Variants in CTNND2 observed in about 807,000 individuals in gnomAD.
The protein encoded by CTNND2 is catenin delta 2.
Under a neutral mutation model 144.4 loss-of-function variants are expected in CTNND2, and 22 were observed. The observed-to-expected ratio is 0.15, with a 90% CI of 0.11 to 0.22. The LOEUF (loss-of-function observed/expected upper bound fraction) is 0.22, where lower values mean the gene tolerates loss of function less well. Ranked by LOEUF, CTNND2 falls within the 10% of genes least tolerant of loss-of-function variation. The pLI, the probability that CTNND2 is intolerant of heterozygous loss-of-function variation, is 1.00. For missense variants in CTNND2, 1,353 were observed against 1,618.8 expected, an observed-to-expected ratio of 0.84 and a Z score of 2.82; for synonymous variants, 751 against 695.6, an observed-to-expected ratio of 1.08 and a Z score of -1.25.
intron 6 of CTNND2, among the ~76,000 whole-genome samples, chr5:11,393,621 A>G (rs1759820729): frequency 1.3e-5 from 2 of 152,118 alleles, no homozygotes. Flanking sequence ...CCCACCCACA[A>G]ACCAGCACAG....
intron 9 of CTNND2, among the ~76,000 whole-genome samples, chr5:11,323,325 C>T (rs1752231363): frequency 6.6e-6 from 1 of 151,576 alleles, no homozygotes; most frequent in South Asian, 2.1e-4. Context: ...GCTGAGAATA[C>T]AGGCATGAAA....
At chr5:11,099,197 G>A (rs1238666300) in intron 14 of CTNND2, among the ~76,000 whole-genome samples, 1 of 152,172 alleles carries the variant, frequency 6.6e-6, no homozygotes, top group African/African-American at 2.4e-5. Context: ...CATTATTAAT[G>A]TGATAAACTC....
intron 1 of CTNND2, among the ~76,000 whole-genome samples, chr5:11,771,793 C>G (rs937010569): frequency 6.6e-6 from 1 of 152,134 alleles, no homozygotes; most frequent in Non-Finnish European, 1.5e-5. Flanking sequence ...AGAATGGAAA[C>G]CTTTGCTTGC....
chr5:11,398,364 A>C (rs184096257), intron 5 of CTNND2, among the ~76,000 whole-genome samples: 8 of 152,310 alleles, frequency 5.3e-5, no homozygotes, highest in African/African-American at 1.9e-4. Context: ...ATCACCTTTC[A>C]TAAAAATAAT....
At chr5:11,761,217 G>T (rs1212010724) in intron 1 of CTNND2, among the ~76,000 whole-genome samples, 1 of 152,126 alleles carries the variant, frequency 6.6e-6, no homozygotes, top group Non-Finnish European at 1.5e-5. Context: ...CCAATTTCAT[G>T]AAACTGTAAT....
intron 9 of CTNND2, among the ~76,000 whole-genome samples, chr5:11,342,973 ATCT>A (rs1429068506): frequency 6.6e-6 from 1 of 152,254 alleles, no homozygotes; most frequent in Admixed American, 6.5e-5. Context: ...TACAAATAAA[ATCT>A]TCTTAGCAAA....
chr5:11,222,023 A>G (rs75718518), intron 10 of CTNND2, among the ~76,000 whole-genome samples: 1 of 152,242 alleles, frequency 6.6e-6, no homozygotes, highest in Non-Finnish European at 1.5e-5. Context: ...AAATGCATCA[A>G]AACGGCAAAG....
intron 15 of CTNND2, among the ~76,000 whole-genome samples, chr5:11,093,703 TA>T (rs1751022057): frequency 6.6e-6 from 1 of 152,180 alleles, no homozygotes. Flanking sequence ...TTAAGAACAC[TA>T]AAGAAATACC....
At chr5:11,132,454 C>T (rs1477391823) in intron 12 of CTNND2, among the ~76,000 whole-genome samples, 2 of 152,126 alleles carry the variant, frequency 1.3e-5, no homozygotes, top group African/African-American at 2.4e-5. Flanking sequence ...GAAATCAATG[C>T]CCTTATAAAA....
intron 3 of CTNND2, among the ~76,000 whole-genome samples, chr5:11,450,486 G>A (rs751131060): frequency 2.4e-4 from 36 of 152,310 alleles, no homozygotes; most frequent in Non-Finnish European, 3.7e-4. Context: ...GGGAAGTGAG[G>A]CCAGCAGATC....
At chr5:11,431,206 C>T (rs1273820406) in intron 3 of CTNND2, among the ~76,000 whole-genome samples, 7 of 152,100 alleles carry the variant, frequency 4.6e-5, no homozygotes, top group East Asian at 3.9e-4. Flanking sequence ...TGGTATTCTA[C>T]GACTTAAGGT....
At chr5:11,450,293 T>C (rs1260075564) in intron 3 of CTNND2, among the ~76,000 whole-genome samples, 1 of 152,226 alleles carries the variant, frequency 6.6e-6, no homozygotes, top group Non-Finnish European at 1.5e-5. Flanking sequence ...AAGCTGTTAT[T>C]CCATATGTCA....
intron 8 of CTNND2, among the ~76,000 whole-genome samples, chr5:11,362,811 G>A (rs571778487): frequency 3.0e-4 from 46 of 152,278 alleles, no homozygotes; most frequent in Non-Finnish European, 5.6e-4. Context: ...TCCATTGACC[G>A]CTTGGAGCAG....
intron 1 of CTNND2, among the ~76,000 whole-genome samples, chr5:11,863,011 G>T (rs1389596831): frequency 1.3e-5 from 2 of 152,136 alleles, no homozygotes; most frequent in Non-Finnish European, 2.9e-5. Flanking sequence ...GTTAGATTTG[G>T]AGTCTCTGTA....
intron 10 of CTNND2, among the ~76,000 whole-genome samples, chr5:11,203,363 A>G (rs1030808828): frequency 6.6e-6 from 1 of 152,182 alleles, no homozygotes; most frequent in Non-Finnish European, 1.5e-5. Context: ...TTTTGTTAAC[A>G]TATGATCATT....
chr5:11,635,574 A>C (rs1781642114), intron 2 of CTNND2, among the ~76,000 whole-genome samples: 1 of 152,190 alleles, frequency 6.6e-6, no homozygotes, highest in African/African-American at 2.4e-5. Flanking sequence ...TCTTTTTCAG[A>C]ATTGCCACAA....
At chr5:11,708,452 G>A (rs190918574) in intron 2 of CTNND2, among the ~76,000 whole-genome samples, 1 of 152,244 alleles carries the variant, frequency 6.6e-6, no homozygotes, top group South Asian at 2.1e-4. Flanking sequence ...TCTAGATATT[G>A]GAGAGATCTG....
At chr5:11,117,674 C>CT in intron 12 of CTNND2, 107 bp from the exon 13 acceptor site, 3 of 827,886 alleles carry the variant, frequency 3.6e-6, no homozygotes, top group Non-Finnish European at 6.1e-6. Flanking sequence ...TTTTTCCCCA[C>CT]TTTTTCAGAA....
intron 10 of CTNND2, among the ~76,000 whole-genome samples, chr5:11,202,157 C>T (rs1394932011): frequency 6.6e-6 from 1 of 152,128 alleles, no homozygotes; most frequent in Non-Finnish European, 1.5e-5. Flanking sequence ...CATCATCAAT[C>T]AATCTATGCA....
Sources: allele counts gnomAD v4.1 joint callset (sites outside exome capture counted in the v4.1 genomes callset), GRCh38; gene constraint gnomAD v4.1.1; transcripts MANE v1.5; gene names NCBI Gene and HGNC (gene_info 2026-07-23, HGNC 2026-07-21).